GREB1L: variants seen among roughly 807,000 people sequenced by gnomAD.
GREB1L encodes GREB1 like retinoic acid receptor coactivator.
In GREB1L, 17 loss-of-function variants were observed where a neutral mutation model predicts 200.8. That is an observed-to-expected ratio of 0.08 (90% CI 0.06 to 0.13). GREB1L has a LOEUF of 0.13. Among genes scored for constraint, GREB1L ranks in the 10% least tolerant of loss-of-function variants. GREB1L has a pLI of 1.00. For missense variants in GREB1L, 1,657 were observed against 2,367.7 expected (o/e 0.70, Z 6.23); for synonymous variants, 789 against 893.0 (o/e 0.88, Z 2.08).
intron 17 of GREB1L, among the ~76,000 whole-genome samples, chr18:21,481,058 A>G (rs1235206604): frequency 6.6e-6 from 1 of 152,136 alleles, no homozygotes; most frequent in Non-Finnish European, 1.5e-5. Context: ...GGAGAAAGCA[A>G]AGTACATATC....
At chr18:21,398,978 T>A (rs2041199172) in intron 5 of GREB1L, among the ~76,000 whole-genome samples, 1 of 152,212 alleles carries the variant, frequency 6.6e-6, no homozygotes, top group African/African-American at 2.4e-5. Context: ...TAAAATGGAC[T>A]GTAGGATTCT....
chr18:21,330,989 C>T (rs1198893268), intron 1 of GREB1L, among the ~76,000 whole-genome samples: 5 of 152,172 alleles, frequency 3.3e-5, no homozygotes, highest in Non-Finnish European at 7.4e-5. Flanking sequence ...TTCTAATATA[C>T]ATATACTGTT....
chr18:21,378,586 G>C (rs994386951), intron 2 of GREB1L, among the ~76,000 whole-genome samples: 1 of 152,150 alleles, frequency 6.6e-6, no homozygotes, highest in African/African-American at 2.4e-5. Flanking sequence ...TGTTGGCCAG[G>C]CTGGTCTCAA....
chr18:21,360,095 A>C (rs2039560732), intron 1 of GREB1L, among the ~76,000 whole-genome samples: 1 of 152,232 alleles, frequency 6.6e-6, no homozygotes. Flanking sequence ...AAATACTTCC[A>C]AAATTGTGAA....
chr18:21,259,725 T>G (rs1051693298), intron 1 of GREB1L, among the ~76,000 whole-genome samples: 1 of 152,140 alleles, frequency 6.6e-6, no homozygotes, highest in African/African-American at 2.4e-5. Context: ...GTTTTTAACT[T>G]GTTCATGAGG....
chr18:21,503,135 T>G (rs1364677076), intron 23 of GREB1L, among the ~76,000 whole-genome samples: 1 of 152,102 alleles, frequency 6.6e-6, no homozygotes, highest in Non-Finnish European at 1.5e-5. Flanking sequence ...TAGCCTTTTT[T>G]GGAAAGTTTC....
chr18:21,457,647 T>C (rs2034830566), intron 15 of GREB1L, among the ~76,000 whole-genome samples: 1 of 152,236 alleles, frequency 6.6e-6, no homozygotes, highest in South Asian at 2.1e-4. Context: ...AGCATCATTC[T>C]TAATGAATGT....
chr18:21,346,608 G>T (rs1410754295), intron 1 of GREB1L, among the ~76,000 whole-genome samples: 2 of 151,974 alleles, frequency 1.3e-5, no homozygotes, highest in African/African-American at 4.8e-5. Flanking sequence ...GGTTATTCTT[G>T]TTCTTTCCAC....
chr18:21,477,353 TG>T lies in GREB1L; in HGVS notation c.2556+1del. 1 of 1,543,200 alleles carries T rather than the reference TG, an allele frequency of 6.5e-7. No individual in the cohort carries two copies. The highest frequency in any genetic ancestry group is 8.8e-7 in the Non-Finnish European group (1 of 1,140,958). On this transcript the variant is annotated frameshift_variant and splice_region_variant, in exon 17 of 33. Coordinates refer to ENST00000424526, the MANE Select transcript of GREB1L (RefSeq NM_001142966.3). LOFTEE classifies it high-confidence loss of function. ...AGGTTCACTGGATACAGCTGGATAC[TG>T]GGGTGAGTCTCTTGCCTGCTGTCTG... ...NEVHWIQLDT[G>X]EDVGCEEKLY...
rs2036985352 is a variant in GREB1L at position 21,505,726 on chromosome 18, T to C, written c.4229-84T>C. On this transcript the variant is annotated intron_variant, in intron 24 of 32. Coordinates refer to ENST00000424526, the MANE Select transcript of GREB1L (RefSeq NM_001142966.3). ...AATTACAGAATACATGGAAAAGTCA[T>C]TTTGGGGAAAGAGGGACTTTTCTTT... The C allele has an allele frequency of 4.9e-6, 7 of 1,440,402 alleles. No homozygotes were observed. In the East Asian group the frequency reaches 1.0e-4, roughly 20 times the overall value. 89.2% of individuals were successfully genotyped at this position (1,440,402 alleles called of 1,614,324 possible).
At chr18:21,488,909 G>A (rs1415275538) in intron 18 of GREB1L, among the ~76,000 whole-genome samples, 3 of 152,082 alleles carry the variant, frequency 2.0e-5, no homozygotes, top group East Asian at 1.9e-4. Context: ...CACCCACCTC[G>A]TCCTCCCAAA....
chr18:21,431,284 CAA>C (rs896656709), intron 7 of GREB1L, among the ~76,000 whole-genome samples: 2 of 152,272 alleles, frequency 1.3e-5, no homozygotes, highest in Admixed American at 1.3e-4. Flanking sequence ...CTCGGTCTCC[CAA>C]AGTGTTGGAA....
intron 1 of GREB1L, among the ~76,000 whole-genome samples, chr18:21,331,828 G>A (rs1427434365): frequency 6.6e-6 from 1 of 152,098 alleles, no homozygotes; most frequent in Non-Finnish European, 1.5e-5. Context: ...TTTTAACAAG[G>A]CAATGAATTC....
intron 14 of GREB1L, among the ~76,000 whole-genome samples, chr18:21,453,262 T>C (rs764317182): frequency 6.6e-6 from 1 of 152,216 alleles, no homozygotes; most frequent in Admixed American, 6.5e-5. Context: ...TGGGCTTCTA[T>C]TTAAAGTTGC....
intron 1 of GREB1L, among the ~76,000 whole-genome samples, chr18:21,285,413 A>G (rs1042380859): frequency 2.0e-5 from 3 of 152,176 alleles, no homozygotes; most frequent in Non-Finnish European, 2.9e-5. Flanking sequence ...CCTAAGTTTT[A>G]TGGTACAAAC....
At chr18:21,272,193 C>T (rs1335267171) in intron 1 of GREB1L, among the ~76,000 whole-genome samples, 1 of 152,164 alleles carries the variant, frequency 6.6e-6, no homozygotes, top group Non-Finnish European at 1.5e-5. Flanking sequence ...TTCTCCTTGC[C>T]GTCACTCAGG....
chr18:21,477,614 G>A (rs1174580951), intron 17 of GREB1L, among the ~76,000 whole-genome samples: 12 of 151,928 alleles, frequency 7.9e-5, no homozygotes, highest in African/African-American at 2.7e-4. Context: ...GTGAAACCCC[G>A]TCTCTACTAA....
chr18:21,515,791 C>T, intron 29 of GREB1L, 147 bp downstream of exon 29: 1 of 651,900 alleles, frequency 1.5e-6, no homozygotes, highest in Non-Finnish European at 2.6e-6. Flanking sequence ...ATCACAAGCC[C>T]CAAAGTGTGC....
At chr18:21,495,543 C>T in intron 19 of GREB1L, 127 bp from the exon 20 acceptor site, 1 of 651,752 alleles carries the variant, frequency 1.5e-6, no homozygotes, top group East Asian at 2.8e-5. Context: ...CATACATAAA[C>T]ATATGTAAAC....
Sources: gnomAD v4.1 joint callset for allele counts (sites outside exome capture counted in the v4.1 genomes callset) on GRCh38, gnomAD v4.1.1 for gene constraint, MANE v1.5 for transcripts, NCBI Gene and HGNC (gene_info 2026-07-23, HGNC 2026-07-21) for gene names.